Variants in HAUS8 observed in about 807,000 individuals in gnomAD.
The protein encoded by HAUS8 is HAUS augmin like complex subunit 8.
In HAUS8, 38 loss-of-function variants were observed where a neutral mutation model predicts 42.9. The ratio of observed to expected loss-of-function variants is 0.89; its 90% CI spans 0.68 to 1.16. HAUS8 has a LOEUF of 1.16. HAUS8 is among the 50% of genes most tolerant of loss of function. The probability of loss-of-function intolerance (pLI) is 0.00; values close to 1 mark genes in which losing one functional copy is unlikely to be tolerated. For missense variants in HAUS8, 494 were observed against 511.6 expected (o/e 0.97, Z 0.33); for synonymous variants, 199 against 205.8 (o/e 0.97, Z 0.28).
chr19:17,050,258 C>A, intron 10 of HAUS8, 82 bp from the exon 11 acceptor site: 4 of 1,093,234 alleles, frequency 3.7e-6, no homozygotes, highest in Non-Finnish European at 4.9e-6. Context: ...GGCTGCCACA[C>A]GGGGAGGCGG....
intron 5 of HAUS8, 40 bp downstream of exon 5, chr19:17,059,956 AC>A: frequency 7.0e-7 from 1 of 1,428,412 alleles, no homozygotes; most frequent in Non-Finnish European, 9.9e-7. Flanking sequence ...ACCTACTGCA[AC>A]CCCCAGTGAG....
At chr19:17,068,341 T>G (rs2057400526) in intron 3 of HAUS8, among the ~76,000 whole-genome samples, 1 of 152,158 alleles carries the variant, frequency 6.6e-6, no homozygotes, top group Non-Finnish European at 1.5e-5. Flanking sequence ...CTCGAACTCC[T>G]AGCCTCAAGT....
intron 3 of HAUS8, among the ~76,000 whole-genome samples, chr19:17,063,943 A>G (rs1432438449): frequency 6.6e-6 from 1 of 152,140 alleles, no homozygotes; most frequent in African/African-American, 2.4e-5. Flanking sequence ...CCATAATCAC[A>G]TGAGCCAATC....
intron 1 of HAUS8, 81 bp downstream of exon 1, chr19:17,075,313 T>G: frequency 6.7e-7 from 1 of 1,496,416 alleles, no homozygotes; most frequent in Non-Finnish European, 9.3e-7. Flanking sequence ...ACCCCGAGGG[T>G]CCTAACTCCC....
chr19:17,072,975 G>T (rs1292288392), intron 2 of HAUS8, among the ~76,000 whole-genome samples: 1 of 148,714 alleles, frequency 6.7e-6, no homozygotes, highest in East Asian at 1.9e-4. Flanking sequence ...AAAAGGCAGA[G>T]TTTGATTTTT....
At chr19:17,072,520 T>C (rs1265317741) in intron 2 of HAUS8, among the ~76,000 whole-genome samples, 2 of 151,976 alleles carry the variant, frequency 1.3e-5, no homozygotes, top group Non-Finnish European at 2.9e-5. Flanking sequence ...TTTTTGTATT[T>C]TTAGTAGAAC....
At chr19:17,063,538 AAG>A (rs2057372732) in intron 3 of HAUS8, among the ~76,000 whole-genome samples, 1 of 152,252 alleles carries the variant, frequency 6.6e-6, no homozygotes. Flanking sequence ...TAAGTTTAAC[AAG>A]AGTTTTCTTT....
intron 2 of HAUS8, among the ~76,000 whole-genome samples, chr19:17,070,233 G>A (rs1227677167): frequency 6.6e-6 from 1 of 151,336 alleles, no homozygotes; most frequent in African/African-American, 2.4e-5. Flanking sequence ...GAACACCTTT[G>A]GACAAGACCA....
Position 17,067,913 on chromosome 19 carries a change from G to A in HAUS8, c.147+1118C>T, listed in dbSNP as rs373306428. On this transcript the variant is annotated intron_variant, in intron 3 of 10. Transcript: ENST00000253669. ...TGTATAATCTACTGATTGCTCCCACGAACTCTCACACAAAGCACGTTCTCA... is the reference window on the plus strand; with the variant it reads ...TGTATAATCTACTGATTGCTCCCACAAACTCTCACACAAAGCACGTTCTCA... Among the ~76,000 whole-genome samples the A allele has an allele frequency of 7.9e-5, 12 of 152,070 alleles. No individual in the cohort carries two copies. The East Asian group carries it at 1.2e-3, about 15-fold the overall frequency.
intron 3 of HAUS8, among the ~76,000 whole-genome samples, chr19:17,065,192 C>T (rs1363727784): frequency 6.6e-6 from 1 of 152,224 alleles, no homozygotes; most frequent in African/African-American, 2.4e-5. Context: ...TAACAACTTG[C>T]ACTTTTCATC....
At chr19:17,061,620 A>C (rs1402945161) in intron 4 of HAUS8, among the ~76,000 whole-genome samples, 1 of 152,234 alleles carries the variant, frequency 6.6e-6, no homozygotes, top group Non-Finnish European at 1.5e-5. Context: ...CATTGCGAGC[A>C]CATGGGGCTG....
At chr19:17,067,108 G>A (rs1279883262) in intron 3 of HAUS8, among the ~76,000 whole-genome samples, 4 of 151,992 alleles carry the variant, frequency 2.6e-5, no homozygotes, top group African/African-American at 4.8e-5. Flanking sequence ...GGGAGGCTGA[G>A]GAAGGAGAAT....
At chr19:17,050,454 C>G (rs1355813482) in intron 10 of HAUS8, among the ~76,000 whole-genome samples, 1 of 152,064 alleles carries the variant, frequency 6.6e-6, no homozygotes, top group Non-Finnish European at 1.5e-5. Flanking sequence ...CTCCAAAACT[C>G]CCATTAAAAA....
intron 9 of HAUS8, chr19:17,053,333 C>T (rs770546201): frequency 3.5e-4 from 90 of 257,808 alleles, no homozygotes; most frequent in Middle Eastern, 1.3e-3. Flanking sequence ...GCCTGCACCA[C>T]TGAGCAGAAG....
At chr19:17,075,527 G>T (rs1207364298), upstream of HAUS8, 2 of 1,295,406 alleles carry the variant, frequency 1.5e-6, no homozygotes, top group Non-Finnish European at 2.2e-6. Flanking sequence ...AGGGGTGGCT[G>T]CGAGGCGTGA....
chr19:17,066,791 G>A (rs557045067), intron 3 of HAUS8, among the ~76,000 whole-genome samples: 1 of 152,170 alleles, frequency 6.6e-6, no homozygotes, highest in Non-Finnish European at 1.5e-5. Flanking sequence ...AAATACACAA[G>A]AATGTTTACG....
At chr19:17,056,693 C>T (rs2057329008) in intron 8 of HAUS8, among the ~76,000 whole-genome samples, 1 of 152,132 alleles carries the variant, frequency 6.6e-6, no homozygotes, top group Admixed American at 6.5e-5. Flanking sequence ...CGGGTTCCAG[C>T]AATTCTTGCG....
intron 2 of HAUS8, among the ~76,000 whole-genome samples, chr19:17,070,753 T>C (rs2057416526): frequency 6.6e-6 from 1 of 152,196 alleles, no homozygotes; most frequent in African/African-American, 2.4e-5. Context: ...TGGTACGGGG[T>C]AGGCACTCGA....
intron 2 of HAUS8, among the ~76,000 whole-genome samples, chr19:17,070,068 TC>T: frequency 1.3e-5 from 2 of 151,836 alleles, no homozygotes; most frequent in South Asian, 4.2e-4. Context: ...AGGTCATTCT[TC>T]CTCCTACCTG....
Sources: allele counts gnomAD v4.1 joint callset (sites outside exome capture counted in the v4.1 genomes callset), GRCh38; gene constraint gnomAD v4.1.1; transcripts MANE v1.5; gene names NCBI Gene and HGNC (gene_info 2026-07-23, HGNC 2026-07-21).